Variants in CADPS2 observed in about 807,000 individuals in gnomAD.
CADPS2 encodes calcium dependent secretion activator 2.
CADPS2 carries 93 observed loss-of-function variants against 172.5 expected under a neutral mutation model. The ratio of observed to expected loss-of-function variants is 0.54; its 90% CI spans 0.46 to 0.64. The LOEUF is 0.64. CADPS2 is among the 30% of genes least tolerant of loss of function. The pLI is 0.00. For missense variants in CADPS2, 1,420 were observed against 1,565.9 expected (o/e 0.91, Z 1.57); for synonymous variants, 546 against 555.2 (o/e 0.98, Z 0.23).
intron 4 of CADPS2, among the ~76,000 whole-genome samples, chr7:122,622,193 T>C (rs952615215): frequency 6.6e-6 from 1 of 152,204 alleles, no homozygotes; most frequent in Non-Finnish European, 1.5e-5. Context: ...GAGTATGCTT[T>C]TTCATAAATA....
chr7:122,543,788 G>T (rs981807324), intron 8 of CADPS2, among the ~76,000 whole-genome samples: 4 of 152,082 alleles, frequency 2.6e-5, no homozygotes, highest in Non-Finnish European at 5.9e-5. Context: ...ATTATCAGAC[G>T]ATAATGTGTA....
intron 2 of CADPS2, among the ~76,000 whole-genome samples, chr7:122,723,168 A>T (rs2090667641): frequency 6.6e-6 from 1 of 152,200 alleles, no homozygotes; most frequent in South Asian, 2.1e-4. Context: ...ACAAAAGCCA[A>T]AATTGACAAA....
chr7:122,430,368 A>G (rs1478624293), intron 17 of CADPS2, among the ~76,000 whole-genome samples: 1 of 152,186 alleles, frequency 6.6e-6, no homozygotes, highest in Non-Finnish European at 1.5e-5. Context: ...AACAGTAGGA[A>G]CTGTTATCAA....
intron 1 of CADPS2, chr7:122,849,990 C>G (rs1219644535): frequency 1.4e-6 from 1 of 728,538 alleles, no homozygotes. Context: ...CCACCTGCCC[C>G]CAAGCCTGCC....
intron 19 of CADPS2, chr7:122,409,575 G>T: frequency 2.2e-6 from 1 of 458,414 alleles, no homozygotes; most frequent in Non-Finnish European, 4.6e-6. Flanking sequence ...TACTCCTGAT[G>T]ATGCTATTCT....
chr7:122,809,957 C>T (rs1799670443), intron 1 of CADPS2, among the ~76,000 whole-genome samples: 1 of 152,140 alleles, frequency 6.6e-6, no homozygotes. Context: ...CACACATATA[C>T]ACATATGCAC....
At chr7:122,674,223 C>A (rs1195714486) in intron 2 of CADPS2, among the ~76,000 whole-genome samples, 1 of 152,216 alleles carries the variant, frequency 6.6e-6, no homozygotes, top group East Asian at 1.9e-4. Flanking sequence ...TTCACACCTC[C>A]CTGCAAGCAG....
At chr7:122,748,046 A>T (rs2092792518) in intron 1 of CADPS2, among the ~76,000 whole-genome samples, 1 of 152,178 alleles carries the variant, frequency 6.6e-6, no homozygotes, top group East Asian at 1.9e-4. Context: ...CCAACCTTCA[A>T]TATATCCCAC....
At chr7:122,651,982 C>T (rs113946600) in intron 3 of CADPS2, among the ~76,000 whole-genome samples, 300 of 152,250 alleles carry the variant, frequency 2.0e-3, no homozygotes, top group African/African-American at 6.8e-3. Context: ...GCTCATACTC[C>T]AGTAGTCAAC....
chr7:122,837,604 C>A (rs1808922259), intron 1 of CADPS2, among the ~76,000 whole-genome samples: 1 of 152,278 alleles, frequency 6.6e-6, no homozygotes, highest in African/African-American at 2.4e-5. Context: ...GATATCACCA[C>A]CGATCCCACA....
rs530379978 is a variant in CADPS2, at chr7:122,763,764, A to G, written c.340-26696T>C. On this transcript the variant is annotated intron_variant, in intron 1 of 29. Coordinates refer to ENST00000449022, the MANE Select transcript of CADPS2 (RefSeq NM_017954.11). ...TCATGACAAAACTGACATGAAAGAC[A>G]GACATGAAATGTTTTCAAGATCTTT... Among the ~76,000 whole-genome samples the G allele has an allele frequency of 1.5e-4, 23 of 152,300 alleles. No individual in the cohort carries two copies. In the South Asian group the frequency reaches 2.1e-3, roughly 14 times the overall value.
At chr7:122,346,544 A>G (rs2037690669) in intron 27 of CADPS2, among the ~76,000 whole-genome samples, 1 of 152,238 alleles carries the variant, frequency 6.6e-6, no homozygotes, top group South Asian at 2.1e-4. Context: ...AATGAAATGT[A>G]AAATATCTTG....
chr7:122,565,445 G>T (rs1401786649), intron 7 of CADPS2, among the ~76,000 whole-genome samples: 2 of 152,134 alleles, frequency 1.3e-5, no homozygotes, highest in Non-Finnish European at 2.9e-5. Context: ...TGATTCATGG[G>T]CAGAAGAGAT....
intron 4 of CADPS2, among the ~76,000 whole-genome samples, chr7:122,627,405 C>G (rs2076184072): frequency 2.0e-5 from 3 of 152,246 alleles, no homozygotes; most frequent in Non-Finnish European, 4.4e-5. Flanking sequence ...CAAAAGGTAT[C>G]CTATTTTTAG....
chr7:122,420,843 C>T (rs909815809), intron 17 of CADPS2: 9 of 152,166 alleles, frequency 5.9e-5, no homozygotes, highest in Non-Finnish European at 2.9e-5. Context: ...CTGTAACACT[C>T]CTTGGCTCAT....
chr7:122,824,387 A>G (rs561768134), intron 1 of CADPS2, among the ~76,000 whole-genome samples: 61 of 152,358 alleles, frequency 4.0e-4, no homozygotes, highest in Admixed American at 2.1e-3. Context: ...TTGAACTCAT[A>G]GGCAATGTCT....
At chr7:122,805,438 G>T (rs2140053144) in intron 1 of CADPS2, among the ~76,000 whole-genome samples, 1 of 152,296 alleles carries the variant, frequency 6.6e-6, no homozygotes, top group Admixed American at 6.5e-5. Context: ...GATTACAGGA[G>T]TGAGCCACCA....
At chr7:122,375,678 A>G (rs2042254183) in intron 25 of CADPS2, among the ~76,000 whole-genome samples, 1 of 152,178 alleles carries the variant, frequency 6.6e-6, no homozygotes, top group Non-Finnish European at 1.5e-5. Context: ...AAACATAGGG[A>G]AAAAGTTTCT....
intron 28 of CADPS2, among the ~76,000 whole-genome samples, chr7:122,334,043 T>C (rs1387816637): frequency 2.0e-5 from 3 of 152,134 alleles, no homozygotes; most frequent in Non-Finnish European, 4.4e-5. Flanking sequence ...GTAGAAATCA[T>C]TGAAAAGTAA....
Sources: allele counts gnomAD v4.1 joint callset (sites outside exome capture counted in the v4.1 genomes callset), GRCh38; gene constraint gnomAD v4.1.1; transcripts MANE v1.5; gene names NCBI Gene and HGNC (gene_info 2026-07-23, HGNC 2026-07-21).